SESN1: variants seen among roughly 807,000 people sequenced by gnomAD.
SESN1 encodes sestrin-1.
SESN1 carries 30 observed loss-of-function variants against 59.3 expected under a neutral mutation model. That is an observed-to-expected ratio of 0.51 (90% CI 0.38 to 0.69). The LOEUF (loss-of-function observed/expected upper bound fraction) is 0.69, where lower values mean the gene tolerates loss of function less well. Ranked by LOEUF, SESN1 falls within the 30% of genes least tolerant of loss-of-function variation. The pLI, the probability that SESN1 is intolerant of heterozygous loss-of-function variation, is 0.00. For synonymous variants in SESN1, 197 were observed against 219.9 expected, an observed-to-expected ratio of 0.90 and a Z score of 0.92; for missense variants, 566 against 673.0, an observed-to-expected ratio of 0.84 and a Z score of 1.76.
intron 1 of SESN1, among the ~76,000 whole-genome samples, chr6:109,053,892 C>T (rs1214586383): frequency 6.6e-6 from 1 of 152,132 alleles, no homozygotes; most frequent in African/African-American, 2.4e-5. Flanking sequence ...TTAAGATAAA[C>T]CAAATGTAGA....
chr6:109,003,372 T>A (rs1219422769), intron 1 of SESN1, among the ~76,000 whole-genome samples: 2 of 123,276 alleles, frequency 1.6e-5, no homozygotes, highest in Admixed American at 1.8e-4. Flanking sequence ...AAAGTGGGGA[T>A]GGGGTGGGGG....
chr6:109,070,144 G>C (rs1374796782), intron 1 of SESN1, among the ~76,000 whole-genome samples: 1 of 152,136 alleles, frequency 6.6e-6, no homozygotes, highest in Admixed American at 6.5e-5. Context: ...CACGTGATTT[G>C]AATGTAGGAA....
intron 1 of SESN1, among the ~76,000 whole-genome samples, chr6:109,076,556 C>A (rs2114471265): frequency 6.6e-6 from 1 of 152,172 alleles, no homozygotes; most frequent in South Asian, 2.1e-4. Context: ...GTTATAGTTA[C>A]ATGTTCATAC....
At chr6:109,076,938 C>T (rs1455015902) in intron 1 of SESN1, among the ~76,000 whole-genome samples, 4 of 152,156 alleles carry the variant, frequency 2.6e-5, no homozygotes, top group Non-Finnish European at 5.9e-5. Flanking sequence ...TGTGTGTTTA[C>T]ACAAACCTAG....
chr6:108,990,220 G>T (rs1011248517), intron 8 of SESN1, among the ~76,000 whole-genome samples: 2 of 151,972 alleles, frequency 1.3e-5, no homozygotes, highest in African/African-American at 2.4e-5. Flanking sequence ...TACGTATTAT[G>T]AGAGCAAGTA....
intron 1 of SESN1, among the ~76,000 whole-genome samples, chr6:109,065,087 CCT>C (rs1383432810): frequency 6.6e-6 from 1 of 151,964 alleles, no homozygotes; most frequent in Non-Finnish European, 1.5e-5. Context: ...ATTTCCAATC[CCT>C]CTCTCCTTAA....
intron 1 of SESN1, among the ~76,000 whole-genome samples, chr6:109,005,039 C>A (rs1041707705): frequency 3.9e-5 from 6 of 152,120 alleles, no homozygotes; most frequent in Admixed American, 3.9e-4. Flanking sequence ...ATTAAAAAGT[C>A]CCATAGCCTT....
chr6:109,002,322 G>A lies in SESN1; in HGVS notation c.301C>T (p.Arg101Ter), dbSNP rs1253602779. The change falls in exon 2 of 10, where the codon CGA (arginine) becomes TGA (stop). Residue 101 changes from arginine (R) to a stop codon, truncating the protein, a stop_gained. Transcript: ENST00000436639. LOFTEE classifies it high-confidence loss of function. Reference protein sequence around the residue: ...SIQELGIRIPRPLGQGPSRFI... With the variant: ...SIQELGIRIP Reference sequence around the variant, plus strand: ...CTGCTTGGTCCCTGTCCTAGTGGTCGAGGAATTCTAATGCCAAGTTCCTAG... The same window carrying A: ...CTGCTTGGTCCCTGTCCTAGTGGTCAAGGAATTCTAATGCCAAGTTCCTAG... 2.5e-6 allele frequency: 4 copies of A among 1,613,190 alleles called. No homozygotes were observed. Among genetic ancestry groups the A allele is most frequent in the African/African-American group, 1.3e-5 (1 of 74,854 alleles).
intron 1 of SESN1, chr6:109,008,896 CTTTT>C: frequency 1.0e-6 from 1 of 986,564 alleles, no homozygotes; most frequent in Non-Finnish European, 1.2e-6. Context: ...CTTTCTCTCT[CTTTT>C]AAGTAGGAGG....
chr6:109,000,128 T>G lies in SESN1; in HGVS notation c.729+363A>C, dbSNP rs186384063. 1,490 of 158,650 alleles carry G rather than the reference T, an allele frequency of 9.4e-3. 87 individuals carry two copies. Among genetic ancestry groups the G allele is most frequent in the Admixed American group, 0.088 (1,350 of 15,280 alleles). 9.8% of individuals were successfully genotyped at this position (158,650 alleles called of 1,614,324 possible). ...ATAAAAAGATGAGTGGTTGCAGGGG[T>G]TTAGGGGAAGGGGAAAGGGGGGGAA... On this transcript the variant is annotated intron_variant, in intron 4 of 9. Coordinates refer to ENST00000436639, the MANE Select transcript of SESN1 (RefSeq NM_014454.3).
chr6:109,077,729 A>T (rs902058243), intron 1 of SESN1, among the ~76,000 whole-genome samples: 1 of 152,172 alleles, frequency 6.6e-6, no homozygotes, highest in African/African-American at 2.4e-5. Flanking sequence ...TTGACTAAAT[A>T]AATCAGAAAC....
chr6:109,057,167 C>G (rs748170486), intron 1 of SESN1, among the ~76,000 whole-genome samples: 3 of 152,224 alleles, frequency 2.0e-5, no homozygotes, highest in Non-Finnish European at 2.9e-5. Context: ...ATAAGGGACC[C>G]TGAGCCAGAA....
chr6:108,994,690 A>ATT, intron 5 of SESN1, 81 bp from the exon 6 acceptor site: 5 of 788,486 alleles, frequency 6.3e-6, no homozygotes, highest in Non-Finnish European at 9.0e-6. Flanking sequence ...TCTCATAAGA[A>ATT]TTTATATCTT....
intron 1 of SESN1, among the ~76,000 whole-genome samples, chr6:109,076,006 A>G (rs1189692034): frequency 6.6e-6 from 1 of 152,166 alleles, no homozygotes; most frequent in South Asian, 2.1e-4. Flanking sequence ...AGTTCACTGC[A>G]TAGTCTCTCT....
chr6:109,094,200 T>A lies in SESN1; in HGVS notation c.-127A>T, dbSNP rs182231449. ...AATCAAATCGTCATGAAAACACACA[T>A]CTGGGTGACATTTGGAACCACTGGT... On this transcript the variant is annotated 5_prime_UTR_variant, in exon 1 of 10. It removes an upstream start codon present in the reference 5' UTR. Transcript: ENST00000436639. 27 of 1,069,196 alleles carry A rather than the reference T, an allele frequency of 2.5e-5. No individual in the cohort carries two copies. In the East Asian group the frequency reaches 5.7e-4, roughly 23 times the overall value. The allele number at this position is 1,069,196 out of a possible 1,614,324, so 66.2% of individuals were successfully genotyped here.
At chr6:108,990,874 T>G (rs757485632) in intron 7 of SESN1, 39 bp from the exon 8 acceptor site, 15 of 1,550,744 alleles carry the variant, frequency 9.7e-6, no homozygotes, top group Non-Finnish European at 1.2e-5. Context: ...ATAAATGTGG[T>G]CAAGTACAGT....
At chr6:109,082,806 T>G (rs1162873421) in intron 1 of SESN1, among the ~76,000 whole-genome samples, 1 of 152,210 alleles carries the variant, frequency 6.6e-6, no homozygotes, top group East Asian at 1.9e-4. Flanking sequence ...AAGTGCGGGA[T>G]GTATGAAAGT....
chr6:109,052,411 CCACT>C (rs779773598), intron 1 of SESN1, among the ~76,000 whole-genome samples: 8 of 152,182 alleles, frequency 5.3e-5, no homozygotes, highest in East Asian at 1.9e-4. Context: ...CATAATCCTA[CCACT>C]CAAAGAAAGC....
chr6:109,093,379 T>A (rs1403204763), intron 1 of SESN1, among the ~76,000 whole-genome samples: 1 of 152,186 alleles, frequency 6.6e-6, no homozygotes, highest in Admixed American at 6.5e-5. Flanking sequence ...GTTTTGTTTT[T>A]AAAAATAAGA....
Sources: gnomAD v4.1 joint callset for allele counts (sites outside exome capture counted in the v4.1 genomes callset) on GRCh38, gnomAD v4.1.1 for gene constraint, MANE v1.5 for transcripts, NCBI Gene and HGNC (gene_info 2026-07-23, HGNC 2026-07-21) for gene names.